The following AMBRA1 variants were observed in gnomAD, a reference collection of about 807,000 sequenced individuals.
AMBRA1 encodes the protein autophagy and beclin 1 regulator 1, also known as activating molecule in BECN1-regulated autophagy protein 1.
AMBRA1 carries 47 observed loss-of-function variants against 125.4 expected under a neutral mutation model. The ratio of observed to expected loss-of-function variants is 0.37; its 90% CI spans 0.30 to 0.48. The LOEUF (loss-of-function observed/expected upper bound fraction) is 0.48. Among genes scored for constraint, AMBRA1 ranks in the 20% least tolerant of loss-of-function variants. AMBRA1 has a pLI of 0.99. For synonymous variants in AMBRA1, 626 were observed against 655.5 expected (o/e 0.95, Z 0.69); for missense variants, 1,331 against 1,693.4 (o/e 0.79, Z 3.76).
intron 14 of AMBRA1, chr11:46,429,094 T>G (rs1590784840): frequency 1.2e-6 from 2 of 1,608,088 alleles, no homozygotes; most frequent in South Asian, 2.2e-5. Context: ...CCACCATGAC[T>G]CCCTCCTTAA....
At chr11:46,582,953 G>A (rs976676023) in intron 1 of AMBRA1, among the ~76,000 whole-genome samples, 7 of 150,102 alleles carry the variant, frequency 4.7e-5, no homozygotes, top group Admixed American at 3.3e-4. Flanking sequence ...AAAAGCCATA[G>A]TACATAATAC....
At chr11:46,592,226 C>G (rs957580921) in intron 1 of AMBRA1, among the ~76,000 whole-genome samples, 2 of 151,894 alleles carry the variant, frequency 1.3e-5, no homozygotes, top group Non-Finnish European at 2.9e-5. Context: ...TGAGCCACTG[C>G]GCCCGACAGG....
chr11:46,491,832 A>G (rs1489222044), intron 11 of AMBRA1, among the ~76,000 whole-genome samples: 1 of 152,208 alleles, frequency 6.6e-6, no homozygotes, highest in African/African-American at 2.4e-5. Flanking sequence ...GGGTCAGACC[A>G]CAAGGCATAA....
intron 17 of AMBRA1, among the ~76,000 whole-genome samples, chr11:46,404,119 G>A (rs1056257703): frequency 1.3e-5 from 2 of 152,220 alleles, no homozygotes; most frequent in Admixed American, 6.5e-5. Flanking sequence ...AGCCCAGGAG[G>A]TCGAGGCTGC....
chr11:46,504,826 G>A (rs1296714179), intron 9 of AMBRA1, among the ~76,000 whole-genome samples: 1 of 152,178 alleles, frequency 6.6e-6, no homozygotes, highest in Non-Finnish European at 1.5e-5. Flanking sequence ...AAATCAGCAG[G>A]ACAATAAAAC....
intron 17 of AMBRA1, among the ~76,000 whole-genome samples, chr11:46,402,166 T>A (rs1340796500): frequency 6.6e-6 from 1 of 152,206 alleles, no homozygotes; most frequent in Non-Finnish European, 1.5e-5. Context: ...TCTTCTGGCC[T>A]ATAAGTTCCT....
At chr11:46,583,084 T>C (rs1475865720) in intron 1 of AMBRA1, among the ~76,000 whole-genome samples, 4 of 152,156 alleles carry the variant, frequency 2.6e-5, no homozygotes, top group Non-Finnish European at 4.4e-5. Flanking sequence ...GGCATCACGC[T>C]ACCTGACTTC....
Position 46,408,721 on chromosome 11 carries a change from G to A in AMBRA1, c.3210-15C>T, listed in dbSNP as rs369837961. 1 of 1,507,916 alleles carries A rather than the reference G, an allele frequency of 6.6e-7. No homozygotes were observed. The highest frequency in any genetic ancestry group is 1.4e-5 in the African/African-American group (1 of 71,636). 93.4% of individuals were successfully genotyped at this position (1,507,916 alleles called of 1,614,324 possible). On this transcript the variant is annotated splice_polypyrimidine_tract_variant and intron_variant, in intron 16 of 17. Coordinates refer to ENST00000683756, the MANE Select transcript of AMBRA1 (RefSeq NM_001387011.1). ...CTCTGCTGGTTCTAGGGAGAGAAAG[G>A]CAGACTAAAGTCAGATGGGGCTTGG...
At chr11:46,491,519 G>A (rs190104996) in intron 11 of AMBRA1, 1 of 152,298 alleles carries the variant, frequency 6.6e-6, no homozygotes, top group Admixed American at 6.5e-5. Context: ...ATTTTCTCAA[G>A]AGAAGAAAAC....
intron 7 of AMBRA1, among the ~76,000 whole-genome samples, chr11:46,539,899 T>C (rs1389335716): frequency 4.6e-5 from 7 of 152,128 alleles, no homozygotes; most frequent in Admixed American, 6.5e-5. Context: ...TGGCGTGATC[T>C]TGGCTCACCG....
intron 17 of AMBRA1, among the ~76,000 whole-genome samples, chr11:46,407,258 G>A (rs1443555631): frequency 6.6e-6 from 1 of 152,112 alleles, no homozygotes; most frequent in African/African-American, 2.4e-5. Context: ...CTAAGAGAAT[G>A]GCCCACTTCT....
intron 12 of AMBRA1, among the ~76,000 whole-genome samples, chr11:46,438,048 A>G (rs958140162): frequency 3.3e-5 from 5 of 152,146 alleles, no homozygotes; most frequent in African/African-American, 1.2e-4. Flanking sequence ...CTGGGACTAC[A>G]CCTGAGAAAT....
chr11:46,428,763 T>A (rs1310538621), intron 14 of AMBRA1: 1 of 1,610,828 alleles, frequency 6.2e-7, no homozygotes, highest in Non-Finnish European at 8.5e-7. Context: ...GGCACAGCAC[T>A]CCGTCTGTAG....
At chr11:46,512,963 G>A in intron 7 of AMBRA1, 150 bp from the exon 8 acceptor site, 2 of 622,388 alleles carry the variant, frequency 3.2e-6, no homozygotes, top group Non-Finnish European at 5.3e-6. Flanking sequence ...TACAAGCTAA[G>A]TAGGTAGAGA....
chr11:46,519,084 C>T (rs1412667345), intron 7 of AMBRA1, among the ~76,000 whole-genome samples: 1 of 152,186 alleles, frequency 6.6e-6, no homozygotes, highest in Non-Finnish European at 1.5e-5. Context: ...AGTACAGTGG[C>T]GCGATCTTGG....
At chr11:46,572,416 T>C (rs912470476) in intron 1 of AMBRA1, among the ~76,000 whole-genome samples, 1 of 152,202 alleles carries the variant, frequency 6.6e-6, no homozygotes, top group Admixed American at 6.5e-5. Context: ...TGCTGCTGCT[T>C]TAAATCCAGT....
intron 1 of AMBRA1, among the ~76,000 whole-genome samples, chr11:46,552,219 A>C (rs1294542255): frequency 6.8e-6 from 1 of 147,344 alleles, no homozygotes; most frequent in Non-Finnish European, 1.5e-5. Flanking sequence ...AAATACAAAA[A>C]TTAGCCGGGC....
At chr11:46,533,798 C>CA (rs1952330271) in intron 7 of AMBRA1, among the ~76,000 whole-genome samples, 1 of 152,028 alleles carries the variant, frequency 6.6e-6, no homozygotes, top group African/African-American at 2.4e-5. Flanking sequence ...AAGGAAAAGG[C>CA]AAAAATCTTT....
intron 1 of AMBRA1, among the ~76,000 whole-genome samples, chr11:46,565,315 CT>C (rs1190104347): frequency 6.6e-6 from 1 of 151,002 alleles, no homozygotes. Flanking sequence ...TTCTGTTTTC[CT>C]TTTTTTTTAA....
Sources: gnomAD v4.1 joint callset for allele counts (sites outside exome capture counted in the v4.1 genomes callset) on GRCh38, gnomAD v4.1.1 for gene constraint, MANE v1.5 for transcripts, NCBI Gene and HGNC (gene_info 2026-07-23, HGNC 2026-07-21) for gene names.